Variants in POLL observed in about 807,000 individuals in gnomAD.
POLL encodes DNA polymerase beta-2.
Under a neutral mutation model 58.1 loss-of-function variants are expected in POLL, and 44 were observed. The ratio of observed to expected loss-of-function variants is 0.76; its 90% CI spans 0.60 to 0.97. The LOEUF is 0.97. Among genes scored for constraint, POLL ranks in the 50% least tolerant of loss-of-function variants. The pLI, the probability that POLL is intolerant of heterozygous loss-of-function variation, is 0.00. For synonymous variants in POLL, 290 were observed against 283.2 expected, an observed-to-expected ratio of 1.02 and a Z score of -0.24; for missense variants, 632 against 736.8, an observed-to-expected ratio of 0.86 and a Z score of 1.65.
chr10:101,579,600 C>A lies in POLL; in HGVS notation c.1581G>T (p.Leu527=), dbSNP rs768294250. The part of the protein sequence containing the change: ...RALAKTKGMS[L]SEHALSTAVV... ...CAGCAGTGCTGAGGGCATGTTCTGA[C>A]AGACTCATGCCCTTGGTTTTGGCCA... Residue 527 remains leucine (L), a synonymous_variant, in exon 9 of 9, where the codon CTG becomes CTT. Coordinates refer to ENST00000370162, the MANE Select transcript of POLL (RefSeq NM_001174084.2). This position sits in a 1 kb window ranked among gnomAD's most constrained non-coding sequence, Gnocchi z 4.4. 1 of 1,613,928 alleles carries A rather than the reference C, an allele frequency of 6.2e-7. No homozygotes were observed. The highest frequency in any genetic ancestry group is 2.2e-5 in the East Asian group (1 of 44,888).
chr10:101,587,660 C>T, intron 1 of POLL, 162 bp downstream of exon 1: 1 of 965,300 alleles, frequency 1.0e-6, no homozygotes, highest in Non-Finnish European at 1.4e-6. Context: ...GGAAACGACA[C>T]CATTCCTCAG....
rs79821454 is a variant in POLL at position 101,585,005 on chromosome 10, G to A, written c.574-86C>T. ...AAGGTGGGGGTCATCTTCTTTGTGC[G>A]GGGGGAGGGTCTTCTAGTCAGACCT... On this transcript the variant is annotated intron_variant, in intron 4 of 8. Coordinates refer to ENST00000370162, the MANE Select transcript of POLL (RefSeq NM_001174084.2). 2.1e-4 allele frequency: 185 copies of A among 886,808 alleles called. No individual in the cohort carries two copies. In the East Asian group the frequency reaches 3.2e-3, roughly 15 times the overall value. 54.9% of individuals were successfully genotyped at this position (886,808 alleles called of 1,614,324 possible). A position where few individuals can be genotyped will look rare whatever the true frequency, so the allele number is the denominator to read the frequency against.
intron 6 of POLL, 109 bp from the exon 7 acceptor site, chr10:101,583,000 G>A: frequency 7.2e-7 from 1 of 1,381,698 alleles, no homozygotes; most frequent in East Asian, 2.4e-5. Context: ...GGGAAGGCTA[G>A]AGGCAGGACC....
rs766785785 is a variant in POLL, at chr10:101,580,232, G to A, written c.1363+16C>T. 1 of 1,606,658 alleles carries A rather than the reference G, an allele frequency of 6.2e-7. No homozygotes were observed. Among genetic ancestry groups the A allele is most frequent in the Non-Finnish European group, 8.5e-7 (1 of 1,175,572 alleles). On this transcript the variant is annotated intron_variant, in intron 8 of 8. Coordinates refer to ENST00000370162, the MANE Select transcript of POLL (RefSeq NM_001174084.2). The surrounding 1 kb of genome is among the most constrained non-coding windows in gnomAD (Gnocchi z 4.1). ...TGCCCTCTGTCAACCTGCTCACCCAGAGATGGAGCTTATACCTTCCTGCCG... is the reference window on the plus strand; with the variant it reads ...TGCCCTCTGTCAACCTGCTCACCCAAAGATGGAGCTTATACCTTCCTGCCG...
Position 101,586,134 on chromosome 10 carries a change from G to A in POLL, c.138C>T (p.Ala46=), listed in dbSNP as rs755719141. ...EAEEWLSSLR[A]HVVRTGIGRA... ...GTCCAATGCCAGTGCGCACAACATG[G>A]GCCCGAAGGGAGCTCAGCCACTCTG... The change falls in exon 3 of 9, where the codon GCC becomes GCT. Residue 46 remains alanine (A), a synonymous_variant. Coordinates refer to ENST00000370162, the MANE Select transcript of POLL (RefSeq NM_001174084.2). 1 of 1,612,238 alleles carries A rather than the reference G, an allele frequency of 6.2e-7. No homozygotes were observed. Among genetic ancestry groups the A allele is most frequent in the Admixed American group, 1.7e-5 (1 of 59,982 alleles).
chr10:101,587,261 C>T lies in POLL; in HGVS notation c.100G>A (p.Gly34Arg). 6.2e-7 allele frequency: 1 copy of T among 1,613,950 alleles called. No individual in the cohort carries two copies. The change falls in exon 2 of 9, where the codon GGA (glycine) becomes AGA (arginine). Residue 34 changes from glycine (G) to arginine (R), a missense_variant. Transcript: ENST00000370162. ...VLAKIPRREE[G>R]EEAEEWLSSL... Reference sequence around the variant, plus strand: ...GTCAGCTCACCTTCTGCTTCTTCTCCCTCTTCCCTCCTAGGAATCTTTGCA... The same window carrying T: ...GTCAGCTCACCTTCTGCTTCTTCTCTCTCTTCCCTCCTAGGAATCTTTGCA...
In POLL at chr10:101,584,809, C is replaced by T; in HGVS notation, c.684G>A (p.Glu228=). ...HYPTSLEGDC[E]PSPAPAVLDK... ...CCAGGACAGCAGGGGCTGGGCTAGG[C>T]TCACAATCTCCCTCAAGGGAGGTGG... Residue 228 remains glutamate (E), a synonymous_variant, in exon 5 of 9, where the codon GAG becomes GAA. Transcript: ENST00000370162. 1 of 1,591,224 alleles carries T rather than the reference C, an allele frequency of 6.3e-7. No individual in the cohort carries two copies. Among genetic ancestry groups the T allele is most frequent in the Non-Finnish European group, 8.6e-7 (1 of 1,167,240 alleles).
chr10:101,582,455 A>G (rs571459421), intron 7 of POLL, among the ~76,000 whole-genome samples: 1 of 152,186 alleles, frequency 6.6e-6, no homozygotes, highest in South Asian at 2.1e-4. Flanking sequence ...ATTCACCTGT[A>G]ATCTAACCCT....
rs1321006361 is a variant in POLL, at chr10:101,580,116, T to C, written c.1363+132A>G. On this transcript the variant is annotated intron_variant, in intron 8 of 8. Coordinates refer to ENST00000370162, the MANE Select transcript of POLL (RefSeq NM_001174084.2). This position sits in a 1 kb window ranked among gnomAD's most constrained non-coding sequence, Gnocchi z 4.1. Reference sequence around the variant, plus strand: ...GAGGATTCCGGCCCCGATAGAGAGATGGGATGCTGGCAAAGCACTGTTCCC... The same window carrying C: ...GAGGATTCCGGCCCCGATAGAGAGACGGGATGCTGGCAAAGCACTGTTCCC... 9.6e-6 allele frequency: 8 copies of C among 834,452 alleles called. No individual in the cohort carries two copies. Among genetic ancestry groups the C allele is most frequent in the African/African-American group, 6.8e-5 (4 of 58,704 alleles). 51.7% of individuals were successfully genotyped at this position (834,452 alleles called of 1,614,324 possible).
Position 101,585,779 on chromosome 10 carries a change from A to T in POLL, c.410+83T>A, listed in dbSNP as rs112989777. 3,002 of 1,241,748 alleles carry T rather than the reference A, an allele frequency of 2.4e-3. 4 individuals carry two copies. The highest frequency in any genetic ancestry group is 2.9e-3 in the Non-Finnish European group (2,622 of 910,602). The allele number at this position is 1,241,748 out of a possible 1,614,324, so 76.9% of individuals were successfully genotyped here. ...CCATGCCTGGCTAATTTTTTAATTA[A>T]TGATAGTTATTTTTAATAATTCAAG... On this transcript the variant is annotated intron_variant, in intron 3 of 8. Transcript: ENST00000370162.
chr10:101,586,683 C>T (rs2063360636), intron 2 of POLL, among the ~76,000 whole-genome samples: 1 of 152,032 alleles, frequency 6.6e-6, no homozygotes. Flanking sequence ...TTAGTAGAGA[C>T]AGGGTTTCGC....
At chr10:101,586,200 T>C in intron 2 of POLL, 44 bp from the exon 3 acceptor site, 1 of 1,549,526 alleles carries the variant, frequency 6.5e-7, no homozygotes, top group Non-Finnish European at 8.8e-7. Flanking sequence ...AACTTTTTAA[T>C]TTTTATCTGC....
chr10:101,580,290 G>A lies in POLL; in HGVS notation c.1321C>T (p.Arg441Trp), dbSNP rs371348876. The A allele has an allele frequency of 2.5e-5, 41 of 1,613,884 alleles. No homozygotes were observed. The highest frequency in any genetic ancestry group is 1.6e-4 in the Middle Eastern group (1 of 6,084). The change falls in exon 8 of 9, where the codon CGG becomes TGG. Residue 441 changes from arginine to tryptophan, a missense_variant. Arg to Trp is a moderately radical substitution (Grantham distance 101). Transcript: ENST00000370162. The surrounding 1 kb of genome is among the most constrained non-coding windows in gnomAD (Gnocchi z 4.1). Reference protein sequence around the residue: ...LITHPDGRSHRGIFSRLLDSL... With the variant: ...LITHPDGRSHWGIFSRLLDSL... Reference sequence around the variant, plus strand: ...TCAAGGAGGCGGCTGAAGATACCCCGGTGGGACCGGCCATCTGGGTGAGTG... The same window carrying A: ...TCAAGGAGGCGGCTGAAGATACCCCAGTGGGACCGGCCATCTGGGTGAGTG...
chr10:101,585,539 T>G, intron 3 of POLL, 61 bp from the exon 4 acceptor site: 7 of 1,381,738 alleles, frequency 5.1e-6, no homozygotes, highest in Non-Finnish European at 6.8e-6. Context: ...CTGTCCCCAG[T>G]CCTTCTGTAC....
At chr10:101,582,239 C>G (rs2063040879) in intron 7 of POLL, 1 of 154,848 alleles carries the variant, frequency 6.5e-6, no homozygotes, top group South Asian at 2.0e-4. Flanking sequence ...AACTCTACCC[C>G]AAATCCTGAG....
chr10:101,583,253 T>C, intron 6 of POLL: 1 of 596,172 alleles, frequency 1.7e-6, no homozygotes, highest in South Asian at 2.1e-5. Context: ...GGAAGGCCCT[T>C]GCTGGTCTGG....
chr10:101,581,113 G>A (rs1029811235), intron 7 of POLL: 14 of 152,210 alleles, frequency 9.2e-5, no homozygotes, highest in African/African-American at 3.4e-4. Flanking sequence ...GAGACACTGA[G>A]GTTCTTTCAT....
Position 101,580,898 on chromosome 10 carries a change from C to T in POLL, c.1195-482G>A. 6.5e-6 allele frequency: 1 copy of T among 153,410 alleles called. No homozygotes were observed. The highest frequency in any genetic ancestry group is 1.5e-5 in the Non-Finnish European group (1 of 68,888). The allele number at this position is 153,410 out of a possible 1,614,324, so 9.5% of individuals were successfully genotyped here. On this transcript the variant is annotated intron_variant, in intron 7 of 8. Coordinates refer to ENST00000370162, the MANE Select transcript of POLL (RefSeq NM_001174084.2). This position sits in a 1 kb window ranked among gnomAD's most constrained non-coding sequence, Gnocchi z 4.1. ...GTTTGAGGACTGAGCAGGTGGCTGG[C>T]AGCATGCGCCAGGCCCAGGCCCAGG...
chr10:101,580,645 G>C lies in POLL; in HGVS notation c.1195-229C>G. 4.1e-6 allele frequency: 2 copies of C among 493,138 alleles called. No homozygotes were observed. Among genetic ancestry groups the C allele is most frequent in the Non-Finnish European group, 7.2e-6 (2 of 276,824 alleles). The allele number at this position is 493,138 out of a possible 1,614,324, so 30.5% of individuals were successfully genotyped here. A position where few individuals can be genotyped will look rare whatever the true frequency, so the allele number is the denominator to read the frequency against. ...CAGGAGGCAAGCCTGAGGAGAGACG[G>C]GAGAAGGTGCCGGCTCTGCTTCTGA... On this transcript the variant is annotated intron_variant, in intron 7 of 8. Coordinates refer to ENST00000370162, the MANE Select transcript of POLL (RefSeq NM_001174084.2). The surrounding 1 kb of genome is among the most constrained non-coding windows in gnomAD (Gnocchi z 4.1).
Sources: allele counts gnomAD v4.1 joint callset (sites outside exome capture counted in the v4.1 genomes callset), GRCh38; gene constraint gnomAD v4.1.1; non-coding constraint Gnocchi (gnomAD v3.1); transcripts MANE v1.5; gene names NCBI Gene and HGNC (gene_info 2026-07-23, HGNC 2026-07-21).